The following AXL variants were observed in gnomAD, a reference collection of about 807,000 sequenced individuals.
AXL encodes AXL receptor tyrosine kinase.
A neutral mutation model predicts 104.5 loss-of-function variants in AXL; 52 were observed. That is an observed-to-expected ratio of 0.50 (90% CI 0.40 to 0.63). The LOEUF (loss-of-function observed/expected upper bound fraction) is 0.63. Among genes scored for constraint, AXL ranks in the 20% least tolerant of loss-of-function variants. The pLI is 0.00. For synonymous variants in AXL, 455 were observed against 473.7 expected (o/e 0.96, Z 0.51); for missense variants, 1,024 against 1,188.5 (o/e 0.86, Z 2.04).
chr19:41,225,183 A>G lies in AXL; in HGVS notation c.586+3127A>G, dbSNP rs532939622. 3.6e-4 allele frequency among the ~76,000 whole-genome samples: 55 copies of G among 152,242 alleles called. No homozygotes were observed. The South Asian group carries it at 0.011, about 32-fold the overall frequency. On this transcript the variant is annotated intron_variant, in intron 4 of 19. Transcript: ENST00000301178. ...TTATTTTTGTATTTTTAGTAAAGACAGGGTTTCATGACAGGTTTGTCATGT... is the reference window on the plus strand; with the variant it reads ...TTATTTTTGTATTTTTAGTAAAGACGGGGTTTCATGACAGGTTTGTCATGT...
intron 14 of AXL, among the ~76,000 whole-genome samples, chr19:41,249,099 T>C (rs2034318738): frequency 6.6e-6 from 1 of 151,986 alleles, no homozygotes; most frequent in Admixed American, 6.6e-5. Context: ...AGGGAGCAAG[T>C]GGTGTTACCA....
chr19:41,255,558 G>A (rs2034439903), intron 17 of AXL, among the ~76,000 whole-genome samples: 1 of 151,816 alleles, frequency 6.6e-6, no homozygotes, highest in Non-Finnish European at 1.5e-5. Flanking sequence ...TTCTGCCTCA[G>A]CCTCCTAAGT....
chr19:41,235,587 G>A (rs2034065741), intron 6 of AXL, among the ~76,000 whole-genome samples: 1 of 152,154 alleles, frequency 6.6e-6, no homozygotes, highest in African/African-American at 2.4e-5. Context: ...GTGCTCCTCA[G>A]CACTAGGCTA....
intron 1 of AXL, among the ~76,000 whole-genome samples, chr19:41,219,850 G>A (rs1378295062): frequency 1.3e-5 from 2 of 151,666 alleles, no homozygotes; most frequent in South Asian, 2.1e-4. Flanking sequence ...GTCAGGCAGT[G>A]GGATGAGGAG....
Position 41,219,353 on chromosome 19 carries a change from C to T in AXL, c.-40C>T, listed in dbSNP as rs369717581. 1,363 of 1,547,564 alleles carry T rather than the reference C, an allele frequency of 8.8e-4. 17 individuals are homozygous for T. In the African/African-American group the frequency reaches 0.016, roughly 18 times the overall value. ...GACAGCCCGGCCCTGCCCCCTCCCC[C>T]GCTGGGAGCCCAACAACTTCTGAGG... On this transcript the variant is annotated 5_prime_UTR_variant, in exon 1 of 20. Transcript: ENST00000301178.
At chr19:41,252,497 A>G (rs1262572549) in intron 15 of AXL, 54 bp downstream of exon 15, 10 of 1,568,148 alleles carry the variant, frequency 6.4e-6, no homozygotes, top group African/African-American at 1.4e-5. Flanking sequence ...GCCATAGCAG[A>G]GGGAAGAGCC....
At chr19:41,233,076 G>A (rs991311550) in intron 6 of AXL, among the ~76,000 whole-genome samples, 1 of 151,318 alleles carries the variant, frequency 6.6e-6, no homozygotes. Context: ...TGCAACCTCC[G>A]CCTCCTAGGT....
chr19:41,249,485 G>A (rs139833223), intron 14 of AXL, among the ~76,000 whole-genome samples: 12,867 of 151,626 alleles, frequency 0.085, 674 homozygotes, highest in Non-Finnish European at 0.11. Flanking sequence ...GCTGGGCGTG[G>A]TGGCTCACGT....
At position 41,221,976 on chromosome 19, in the gene AXL, T is replaced by TG; in HGVS notation, c.508dup (p.Asp170GlyfsTer40). 6.2e-7 allele frequency: 1 copy of TG among 1,611,866 alleles called. No individual in the cohort carries two copies. Among genetic ancestry groups the TG allele is most frequent in the Non-Finnish European group, 8.5e-7 (1 of 1,179,166 alleles). ...CAAGCTCAGGGACCCCCAGAGCCCG[T>TG]GGACCTACTCTGGCTCCAGGATGCT... On this transcript the variant is annotated frameshift_variant, in exon 4 of 20. Coordinates refer to ENST00000301178, the MANE Select transcript of AXL (RefSeq NM_021913.5). LOFTEE classifies it high-confidence loss of function.
At position 41,220,731 on chromosome 19, in the gene AXL, C is replaced by G; in HGVS notation, c.181C>G (p.Gln61Glu). Reference sequence around the variant, plus strand: ...CACCCTTCGGTGTCAGCTCCAGGTTCAGGGAGAGCCCCCCGAGGTACATTG... The same window carrying G: ...CACCCTTCGGTGTCAGCTCCAGGTTGAGGGAGAGCCCCCCGAGGTACATTG... ...TGTLRCQLQV[Q>E]GEPPEVHWLR... is the part of the protein sequence containing the mutation. The change falls in exon 2 of 20, where the codon CAG becomes GAG. Residue 61 changes from glutamine to glutamate, a missense_variant. Transcript: ENST00000301178. 6.2e-7 allele frequency: 1 copy of G among 1,614,102 alleles called. No individual in the cohort carries two copies. Among genetic ancestry groups the G allele is most frequent in the Non-Finnish European group, 8.5e-7 (1 of 1,179,974 alleles).
Position 41,256,664 on chromosome 19 carries a change from A to G in AXL, c.2196+53A>G, listed in dbSNP as rs1599744235. ...AACCATGGGAGGGCATGGCCTGACC[A>G]TCACACACTATGCCTGGGTGGCTGT... On this transcript the variant is annotated intron_variant, in intron 18 of 19. Coordinates refer to ENST00000301178, the MANE Select transcript of AXL (RefSeq NM_021913.5). 3 of 1,596,384 alleles carry G rather than the reference A, an allele frequency of 1.9e-6. No homozygotes were observed. In the East Asian group the frequency reaches 6.8e-5, roughly 36 times the overall value.
intron 6 of AXL, among the ~76,000 whole-genome samples, chr19:41,237,416 A>G (rs1403082418): frequency 6.6e-6 from 1 of 151,848 alleles, no homozygotes; most frequent in Non-Finnish European, 1.5e-5. Flanking sequence ...CTAATTTTTT[A>G]CATTTTTGGA....
chr19:41,238,418 G>T, intron 7 of AXL, 52 bp from the exon 8 acceptor site: 2 of 1,588,580 alleles, frequency 1.3e-6, no homozygotes, highest in South Asian at 2.2e-5. Context: ...GAACAGGGGA[G>T]GGGGTCAGGA....
rs559481702 is a variant in AXL, at chr19:41,256,626, G to A, written c.2196+15G>A. 28 of 1,608,888 alleles carry A rather than the reference G, an allele frequency of 1.7e-5. No homozygotes were observed. The South Asian group carries it at 1.9e-4, about 11-fold the overall frequency. ...AGAGCGATGTGGTAGGTGCACTCCC[G>A]CCAAGAGTGGGGAACCATGGGAGGG... is the stretch of plus-strand genomic sequence containing the variant. On this transcript the variant is annotated intron_variant, in intron 18 of 19. Transcript: ENST00000301178.
chr19:41,231,344 A>T, intron 6 of AXL, 46 bp downstream of exon 6: 1 of 1,515,146 alleles, frequency 6.6e-7, no homozygotes, highest in Non-Finnish European at 9.1e-7. Context: ...GCCTCCTTCC[A>T]CCCACATCCA....
At chr19:41,227,957 A>G (rs1349416440) in intron 4 of AXL, among the ~76,000 whole-genome samples, 1 of 152,188 alleles carries the variant, frequency 6.6e-6, no homozygotes, top group Non-Finnish European at 1.5e-5. Flanking sequence ...GTGGGATGGC[A>G]TGAGGTTTCA....
Position 41,233,422 on chromosome 19 carries a change from C to T in AXL, c.783+2124C>T, listed in dbSNP as rs202017036. Among the ~76,000 whole-genome samples the T allele has an allele frequency of 2.6e-5, 4 of 151,518 alleles. No individual in the cohort carries two copies. In the South Asian group the frequency reaches 6.3e-4, roughly 24 times the overall value. On this transcript the variant is annotated intron_variant, in intron 6 of 19. Coordinates refer to ENST00000301178, the MANE Select transcript of AXL (RefSeq NM_021913.5). ...GCTATTGGCTGGGCATGATAGCTCA[C>T]GCCTGTAATCCCAGCACTTCGGGGG... is the stretch of plus-strand genomic sequence containing the variant.
Position 41,248,829 on chromosome 19 carries a change from CGTGCACATGTGTA to C in AXL, c.1711+11_1711+23del. The C allele has an allele frequency of 6.2e-7, 1 of 1,602,580 alleles. No homozygotes were observed. The highest frequency in any genetic ancestry group is 8.5e-7 in the Non-Finnish European group (1 of 1,173,150). ...TGTGAAGACGATGAAGAGTGAGTTA[CGTGCACATGTGTA>C]GGACCCCCAGCTCCTTCCCTATGCC... On this transcript the variant is annotated intron_variant, in intron 14 of 19. Transcript: ENST00000301178.
intron 12 of AXL, among the ~76,000 whole-genome samples, chr19:41,246,378 C>T (rs1052498008): frequency 4.0e-5 from 6 of 151,192 alleles, no homozygotes; most frequent in African/African-American, 1.2e-4. Context: ...ACCCGGGAGG[C>T]GGATGTTGCA....
Sources: gnomAD v4.1 joint callset for allele counts (sites outside exome capture counted in the v4.1 genomes callset) on GRCh38, gnomAD v4.1.1 for gene constraint, MANE v1.5 for transcripts, NCBI Gene and HGNC (gene_info 2026-07-23, HGNC 2026-07-21) for gene names.